Variants in PRR14L observed in about 807,000 individuals in gnomAD.
PRR14L encodes the protein proline rich 14 like.
In PRR14L, 80 loss-of-function variants were observed where a neutral mutation model predicts 155.0. The ratio of observed to expected loss-of-function variants is 0.52; its 90% CI spans 0.43 to 0.62. PRR14L has a LOEUF of 0.62. Among genes scored for constraint, PRR14L ranks in the 20% least tolerant of loss-of-function variants. PRR14L has a pLI of 0.00. For synonymous variants in PRR14L, 883 were observed against 916.0 expected, an observed-to-expected ratio of 0.96 and a Z score of 0.65; for missense variants, 2,469 against 2,548.0, an observed-to-expected ratio of 0.97 and a Z score of 0.67.
intron 3 of PRR14L, among the ~76,000 whole-genome samples, chr22:31,724,580 T>C (rs1297156365): frequency 5.9e-5 from 9 of 152,260 alleles, no homozygotes; most frequent in African/African-American, 1.9e-4. Flanking sequence ...GCATTTTTTG[T>C]AGAGAAGGGG....
chr22:31,746,702 T>A (rs1200467880), intron 1 of PRR14L, among the ~76,000 whole-genome samples: 1 of 152,012 alleles, frequency 6.6e-6, no homozygotes, highest in Non-Finnish European at 1.5e-5. Context: ...AGTATGAAAA[T>A]TATTATTCCA....
Position 31,703,640 on chromosome 22 carries a change from G to A in PRR14L, c.5910C>T (p.Ala1970=), listed in dbSNP as rs201260404. The change falls in exon 6 of 9, where the codon GCC becomes GCT. Residue 1970 remains alanine, a synonymous_variant. Coordinates refer to ENST00000327423, the MANE Select transcript of PRR14L (RefSeq NM_173566.3). ...CCAATCCACGAACCTGGAACTCAGA[G>A]GCTGAAAGCAGGAGCTTGCTGACAG... ...ESAVSKLLLS[A]SEFQVRGLDE... 3.7e-6 allele frequency: 6 copies of A among 1,613,650 alleles called. No individual in the cohort carries two copies. Among genetic ancestry groups the A allele is most frequent in the African/African-American group, 2.7e-5 (2 of 75,004 alleles).
At position 31,717,232 on chromosome 22, in the gene PRR14L, T is replaced by C. The variant is rs1327518747; in HGVS notation, c.607A>G (p.Lys203Glu). 6.4e-7 allele frequency: 1 copy of C among 1,551,780 alleles called. No homozygotes were observed. Residue 203 changes from lysine (K) to glutamate (E), a missense_variant, in exon 4 of 9, where the codon AAG becomes GAG. Lys to Glu is a moderately conservative substitution (Grantham distance 56, BLOSUM62 1). Coordinates refer to ENST00000327423, the MANE Select transcript of PRR14L (RefSeq NM_173566.3). Reference sequence around the variant, plus strand: ...TTATCCGTCTTAGTCCCATTGACCTTCATACCTTGTACTTCGGCGGATTTT... The same window carrying C: ...TTATCCGTCTTAGTCCCATTGACCTCCATACCTTGTACTTCGGCGGATTTT... ...LLKSAEVQGMKVNGTKTDNNE... is the reference protein window; with the variant it reads ...LLKSAEVQGMEVNGTKTDNNE...
intron 2 of PRR14L, among the ~76,000 whole-genome samples, chr22:31,732,445 G>T (rs1206051251): frequency 1.3e-5 from 2 of 152,168 alleles, no homozygotes; most frequent in East Asian, 3.9e-4. Context: ...TGGAAATTTT[G>T]CTATGTGCCA....
chr22:31,748,722 C>G (rs548217086), intron 1 of PRR14L, among the ~76,000 whole-genome samples: 1 of 152,256 alleles, frequency 6.6e-6, no homozygotes, highest in East Asian at 1.9e-4. Flanking sequence ...GAGGGCATCT[C>G]TAACCAGTCA....
chr22:31,690,003 AC>A lies in PRR14L; in HGVS notation c.6108-1777del, dbSNP rs199796662. 5.8e-3 allele frequency among the ~76,000 whole-genome samples: 867 copies of A among 148,308 alleles called. 12 individuals are homozygous for A. The highest frequency in any genetic ancestry group is 0.02 in the African/African-American group (813 of 40,058). ...GCAATCTCGGCTCACTGCAACCTCT[AC>A]CTCCCGGGTTCAAGCGATTCTCCTG... is the stretch of plus-strand genomic sequence containing the variant. On this transcript the variant is annotated intron_variant, in intron 7 of 8. Coordinates refer to ENST00000327423, the MANE Select transcript of PRR14L (RefSeq NM_173566.3).
chr22:31,705,339 T>C (rs1260134484), intron 4 of PRR14L, among the ~76,000 whole-genome samples: 1 of 152,114 alleles, frequency 6.6e-6, no homozygotes, highest in East Asian at 1.9e-4. Flanking sequence ...AATCTGACAG[T>C]TTCTATAACC....
chr22:31,712,793 C>T lies in PRR14L; in HGVS notation c.5046G>A (p.Arg1682=), dbSNP rs1171315516. Residue 1682 remains arginine (R), a synonymous_variant, in exon 4 of 9, where the codon AGG becomes AGA. Coordinates refer to ENST00000327423, the MANE Select transcript of PRR14L (RefSeq NM_173566.3). ...AAAGTGCCATGGGCTTACTGTTAGG[C>T]CTCTTATCCCATCCACTAGCTGCCA... ...PYLAASGWDK[R]PNSKPMALYS... 1.3e-6 allele frequency: 2 copies of T among 1,551,854 alleles called. No homozygotes were observed. The highest frequency in any genetic ancestry group is 2.7e-5 in the African/African-American group (2 of 73,038).
intron 3 of PRR14L, among the ~76,000 whole-genome samples, chr22:31,720,191 C>T (rs1382443355): frequency 6.6e-6 from 1 of 152,104 alleles, no homozygotes; most frequent in Admixed American, 6.6e-5. Flanking sequence ...CTTTCTTTTG[C>T]TCTGTTTTTT....
Position 31,684,692 on chromosome 22 carries a change from A to G in PRR14L, c.*835T>C, listed in dbSNP as rs1324371641. The G allele has an allele frequency of 6.6e-6, 1 of 152,238 alleles. No homozygotes were observed. Among genetic ancestry groups the G allele is most frequent in the East Asian group, 1.9e-4 (1 of 5,200 alleles). 9.4% of individuals were successfully genotyped at this position (152,238 alleles called of 1,614,324 possible). A position where few individuals can be genotyped will look rare whatever the true frequency, so the allele number is the denominator to read the frequency against. On this transcript the variant is annotated 3_prime_UTR_variant, in exon 9 of 9. Transcript: ENST00000327423. ...AATAGGAAAAATGTCTCTTCCATGC[A>G]GCGATCAACTGGGTCAAATGCCTAT...
chr22:31,690,563 C>T (rs2074505945), intron 7 of PRR14L, among the ~76,000 whole-genome samples: 1 of 152,144 alleles, frequency 6.6e-6, no homozygotes, highest in Non-Finnish European at 1.5e-5. Context: ...TAGCTGACTG[C>T]AGCCTCGACC....
chr22:31,687,923 C>T (rs1384555758), intron 8 of PRR14L, among the ~76,000 whole-genome samples: 3 of 149,474 alleles, frequency 2.0e-5, no homozygotes, highest in East Asian at 2.0e-4. Context: ...CCCAGCTACT[C>T]GGAGAGGCTG....
intron 4 of PRR14L, 52 bp from the exon 5 acceptor site, chr22:31,704,778 G>C (rs764686414): frequency 2.8e-6 from 4 of 1,425,052 alleles, no homozygotes; most frequent in Non-Finnish European, 4.0e-6. Context: ...TGGGATAACA[G>C]GAAAGGTTTT....
At chr22:31,686,974 T>G (rs533759841) in intron 8 of PRR14L, among the ~76,000 whole-genome samples, 1 of 152,208 alleles carries the variant, frequency 6.6e-6, no homozygotes, top group Non-Finnish European at 1.5e-5. Context: ...AATCAATGAT[T>G]ATCAGTCCTG....
intron 2 of PRR14L, among the ~76,000 whole-genome samples, chr22:31,728,195 A>T (rs1170897778): frequency 6.6e-6 from 1 of 152,124 alleles, no homozygotes; most frequent in Non-Finnish European, 1.5e-5. Flanking sequence ...AACCTCTGTA[A>T]CGTCCCCCAC....
Position 31,738,655 on chromosome 22 carries a change from C to T in PRR14L, c.206G>A (p.Arg69Lys). Residue 69 changes from arginine to lysine, a missense_variant, in exon 2 of 9, where the codon AGG (arginine) becomes AAG (lysine). Coordinates refer to ENST00000327423, the MANE Select transcript of PRR14L (RefSeq NM_173566.3). The stretch of plus-strand genomic sequence containing the variant: ...TTCACAACAACTCTCCACATGAGTC[C>T]TCTGCAGCTCCAAGGGCAATGCCCT... ...QNRALPLELQRTHVESCCEET... is the reference protein window; with the variant it reads ...QNRALPLELQKTHVESCCEET... 1 of 1,552,110 alleles carries T rather than the reference C, an allele frequency of 6.4e-7. No homozygotes were observed. Among genetic ancestry groups the T allele is most frequent in the Non-Finnish European group, 8.7e-7 (1 of 1,147,088 alleles).
Position 31,742,523 on chromosome 22 carries a change from C to T in PRR14L, c.-51-3612G>A, listed in dbSNP as rs139964202. ...CTGGGATTACAGGCACATGCCATCA[C>T]GCGTGGCTAATTTTTGTATTTTTAG... On this transcript the variant is annotated intron_variant, in intron 1 of 8. Coordinates refer to ENST00000327423, the MANE Select transcript of PRR14L (RefSeq NM_173566.3). Among the ~76,000 whole-genome samples the T allele has an allele frequency of 6.3e-3, 951 of 152,148 alleles. 9 individuals are homozygous for T. The highest frequency in any genetic ancestry group is 0.021 in the African/African-American group (876 of 41,514).
intron 5 of PRR14L, 120 bp from the exon 6 acceptor site, chr22:31,703,841 A>T (rs2074575787): frequency 3.3e-6 from 2 of 598,714 alleles, no homozygotes; most frequent in Non-Finnish European, 5.4e-6. Flanking sequence ...CTTGTTGCCC[A>T]GACTGGAGTG....
chr22:31,705,667 T>C (rs2074587170), intron 4 of PRR14L, among the ~76,000 whole-genome samples: 1 of 151,894 alleles, frequency 6.6e-6, no homozygotes, highest in African/African-American at 2.4e-5. Context: ...CCACCGCGCC[T>C]GGCCCAATTA....
Sources: gnomAD v4.1 joint callset for allele counts (sites outside exome capture counted in the v4.1 genomes callset) on GRCh38, gnomAD v4.1.1 for gene constraint, MANE v1.5 for transcripts, NCBI Gene and HGNC (gene_info 2026-07-23, HGNC 2026-07-21) for gene names.